RGL1: variants seen among roughly 807,000 people sequenced by gnomAD.
RGL1 encodes the protein ral guanine nucleotide dissociation stimulator like 1.
In RGL1, 24 loss-of-function variants were observed where a neutral mutation model predicts 95.2. That is an observed-to-expected ratio of 0.25 (90% confidence interval 0.18 to 0.35). The LOEUF (loss-of-function observed/expected upper bound fraction) is 0.35. RGL1 is among the 10% of genes least tolerant of loss of function. RGL1 has a pLI of 1.00. For synonymous variants in RGL1, 329 were observed against 344.9 expected, an observed-to-expected ratio of 0.95 and a Z score of 0.51; for missense variants, 715 against 936.3, an observed-to-expected ratio of 0.76 and a Z score of 3.08.
At chr1:183,918,275 G>A (rs774876839) in intron 16 of RGL1, among the ~76,000 whole-genome samples, 24 of 152,148 alleles carry the variant, frequency 1.6e-4, no homozygotes, top group Admixed American at 7.9e-4. Flanking sequence ...CAGGGGGGAC[G>A]TGGTCTCGCG....
intron 2 of RGL1, among the ~76,000 whole-genome samples, chr1:183,771,903 C>A (rs1052615165): frequency 6.6e-6 from 1 of 152,162 alleles, no homozygotes; most frequent in African/African-American, 2.4e-5. Context: ...CGGAGGAAGA[C>A]ACAAGTGGCT....
intron 1 of RGL1, among the ~76,000 whole-genome samples, chr1:183,650,213 C>T (rs1310773275): frequency 1.3e-5 from 2 of 152,114 alleles, no homozygotes; most frequent in African/African-American, 4.8e-5. Context: ...TGCTTTTTCA[C>T]TTAATATTGT....
At chr1:183,913,710 C>T (rs1270978187) in intron 15 of RGL1, among the ~76,000 whole-genome samples, 1 of 152,266 alleles carries the variant, frequency 6.6e-6, no homozygotes, top group East Asian at 1.9e-4. Context: ...TGCTGCTCTT[C>T]AAGGGGACAT....
At chr1:183,856,040 G>T (rs943811363) in intron 3 of RGL1, among the ~76,000 whole-genome samples, 2 of 152,138 alleles carry the variant, frequency 1.3e-5, no homozygotes, top group African/African-American at 4.8e-5. Flanking sequence ...GTGGCTCCAG[G>T]ATGCACATCC....
intron 2 of RGL1, among the ~76,000 whole-genome samples, chr1:183,789,647 A>AATGGCTCCTTT (rs1291113789): frequency 6.6e-6 from 1 of 152,114 alleles, no homozygotes; most frequent in Non-Finnish European, 1.5e-5. Flanking sequence ...GCTTTGGCTA[A>AATGGCTCCTTT]ATGGCTCCTT....
At chr1:183,715,924 GTAGAGCTGA>G (rs1386941625) in intron 1 of RGL1, among the ~76,000 whole-genome samples, 1 of 152,162 alleles carries the variant, frequency 6.6e-6, no homozygotes, top group Non-Finnish European at 1.5e-5. Flanking sequence ...CTGAGAACCA[GTAGAGCTGA>G]TAGTGTAAGT....
intron 17 of RGL1, among the ~76,000 whole-genome samples, chr1:183,925,437 A>G (rs762276388): frequency 1.3e-5 from 2 of 152,214 alleles, no homozygotes; most frequent in Non-Finnish European, 2.9e-5. Context: ...ATGTATACCT[A>G]TGTAACAAAC....
At chr1:183,908,536 C>T (rs568131787) in intron 14 of RGL1, among the ~76,000 whole-genome samples, 5 of 152,306 alleles carry the variant, frequency 3.3e-5, no homozygotes, top group East Asian at 3.9e-4. Flanking sequence ...GGAGTCAGCT[C>T]TTGAGGAGAA....
chr1:183,779,204 C>G (rs1659765307), intron 2 of RGL1, among the ~76,000 whole-genome samples: 1 of 146,732 alleles, frequency 6.8e-6, no homozygotes, highest in Non-Finnish European at 1.5e-5. Flanking sequence ...TCCTTCCTTC[C>G]TTCCTTCCTT....
chr1:183,734,834 T>C (rs1466657442), intron 1 of RGL1, among the ~76,000 whole-genome samples: 1 of 152,240 alleles, frequency 6.6e-6, no homozygotes, highest in Non-Finnish European at 1.5e-5. Flanking sequence ...TGCTAAAGGA[T>C]ATTTTTTTGT....
intron 2 of RGL1, among the ~76,000 whole-genome samples, chr1:183,777,224 A>G (rs1301017137): frequency 6.6e-6 from 1 of 152,222 alleles, no homozygotes; most frequent in Non-Finnish European, 1.5e-5. Context: ...TTTGTAATAC[A>G]AAGTTAACTT....
chr1:183,824,871 A>C (rs748070998), intron 2 of RGL1, among the ~76,000 whole-genome samples: 1 of 124,188 alleles, frequency 8.1e-6, no homozygotes. Context: ...TTTGGGATAC[A>C]TGTCTGACAC....
intron 7 of RGL1, among the ~76,000 whole-genome samples, chr1:183,885,709 G>A (rs182530496): frequency 6.2e-4 from 95 of 152,282 alleles, no homozygotes; most frequent in Non-Finnish European, 9.1e-4. Flanking sequence ...GGACATACTA[G>A]GATAGAGCAT....
intron 1 of RGL1, among the ~76,000 whole-genome samples, chr1:183,671,314 G>C (rs1206944669): frequency 6.6e-6 from 1 of 152,200 alleles, no homozygotes; most frequent in Non-Finnish European, 1.5e-5. Flanking sequence ...TTAAGTCTTT[G>C]TGTGAACATA....
intron 1 of RGL1, among the ~76,000 whole-genome samples, chr1:183,737,171 A>G (rs1656992991): frequency 6.6e-6 from 1 of 152,222 alleles, no homozygotes; most frequent in African/African-American, 2.4e-5. Context: ...CATGGAAGTG[A>G]TGGATAATTT....
intron 4 of RGL1, among the ~76,000 whole-genome samples, chr1:183,867,353 AAG>A (rs1266916613): frequency 8.4e-5 from 2 of 23,760 alleles, no homozygotes; most frequent in Non-Finnish European, 1.9e-4. Context: ...GAGGAGAAAA[AAG>A]AAGTTGTTGT....
At chr1:183,779,156 T>A (rs1252793060) in intron 2 of RGL1, among the ~76,000 whole-genome samples, 1 of 139,640 alleles carries the variant, frequency 7.2e-6, no homozygotes, top group Non-Finnish European at 1.6e-5. Flanking sequence ...TTTCAAAATT[T>A]TCCCTTCCTT....
intron 1 of RGL1, among the ~76,000 whole-genome samples, chr1:183,717,676 T>C (rs1655710364): frequency 6.6e-6 from 1 of 152,230 alleles, no homozygotes; most frequent in Non-Finnish European, 1.5e-5. Flanking sequence ...AGTGACTGTG[T>C]GTACTCGGGT....
chr1:183,650,795 C>T (rs1467705017), intron 1 of RGL1, among the ~76,000 whole-genome samples: 1 of 150,226 alleles, frequency 6.7e-6, no homozygotes, highest in Non-Finnish European at 1.5e-5. Context: ...GTGTACCAAT[C>T]TTATCACATT....
Sources: allele counts gnomAD v4.1 joint callset (sites outside exome capture counted in the v4.1 genomes callset), GRCh38; gene constraint gnomAD v4.1.1; transcripts MANE v1.5; gene names NCBI Gene and HGNC (gene_info 2026-07-23, HGNC 2026-07-21).